RNF31: variants seen among roughly 807,000 people sequenced by gnomAD.
The protein encoded by RNF31 is ring finger protein 31, also known as E3 ubiquitin-protein ligase RNF31.
Under a neutral mutation model 133.6 loss-of-function variants are expected in RNF31, and 38 were observed. The ratio of observed to expected loss-of-function variants is 0.28; its 90% CI spans 0.22 to 0.37. The LOEUF is 0.37. Ranked by LOEUF, RNF31 falls within the 10% of genes least tolerant of loss-of-function variation. RNF31 has a pLI of 1.00. For synonymous variants in RNF31, 582 were observed against 552.3 expected, an observed-to-expected ratio of 1.05 and a Z score of -0.75; for missense variants, 1,118 against 1,394.1, an observed-to-expected ratio of 0.80 and a Z score of 3.15.
At position 24,151,584 on chromosome 14, in the gene RNF31, C is replaced by G; in HGVS notation, c.1837C>G (p.Gln613Glu). ...GDVSRALTEL[Q>E]RQRLEPFRQR... ...TGTGTCACGGGCCCTGACTGAGCTA[C>G]AGCGCCAACGCCTAGAGCCCTTCCG... is the stretch of plus-strand genomic sequence containing the variant. Residue 613 changes from glutamine (Q) to glutamate (E), a missense_variant, in exon 10 of 21, where the codon CAG becomes GAG. Around this residue, in one of 3 missense-constraint regions of RNF31, gnomAD observed 747 missense variants for 827.9 expected, o/e 0.90. Coordinates refer to ENST00000324103, the MANE Select transcript of RNF31 (RefSeq NM_017999.5). The surrounding 1 kb of genome is among the most constrained non-coding windows in gnomAD (Gnocchi z 5.3). 6.2e-7 allele frequency: 1 copy of G among 1,614,108 alleles called. No individual in the cohort carries two copies.
At chr14:24,157,719 C>G (rs985525596) in intron 16 of RNF31, 81 bp downstream of exon 16, 8 of 1,297,372 alleles carry the variant, frequency 6.2e-6, no homozygotes, top group Non-Finnish European at 7.8e-6. Flanking sequence ...TGAGGAGTGG[C>G]CCCGGGGAAG....
chr14:24,147,673 A>T lies in RNF31; in HGVS notation c.-26A>T, dbSNP rs1207962967. 6 of 1,384,446 alleles carry T rather than the reference A, an allele frequency of 4.3e-6. No homozygotes were observed. Among genetic ancestry groups the T allele is most frequent in the Non-Finnish European group, 5.6e-6 (6 of 1,076,774 alleles). 85.8% of individuals were successfully genotyped at this position (1,384,446 alleles called of 1,614,324 possible). A position where few individuals can be genotyped will look rare whatever the true frequency, so the allele number is the denominator to read the frequency against. ...CCGCGCCGGGTCCTGGCGGGCGGCG[A>T]GGCTGGGGCTGACTCCTGCCTCAGG... is the stretch of plus-strand genomic sequence containing the variant. On this transcript the variant is annotated 5_prime_UTR_variant, in exon 1 of 21. Transcript: ENST00000324103.
chr14:24,147,854 C>T lies in RNF31; in HGVS notation c.156C>T (p.Asp52=). ...TAGCCGCCCGCTACCTGCAGCTGGA[C>T]GCCGCACGCCTTGTCCGCTGCAACG... ...LPLAARYLQL[D]AARLVRCNAH... The change falls in exon 1 of 21, where the codon GAC becomes GAT. Residue 52 remains aspartate (D), a synonymous_variant. Coordinates refer to ENST00000324103, the MANE Select transcript of RNF31 (RefSeq NM_017999.5). The T allele has an allele frequency of 6.2e-7, 1 of 1,610,374 alleles. No homozygotes were observed.
At chr14:24,159,702 G>C in intron 18 of RNF31, 162 bp from the exon 19 acceptor site, 1 of 591,476 alleles carries the variant, frequency 1.7e-6, no homozygotes, top group Admixed American at 2.6e-5. Flanking sequence ...GTCTGCCGTT[G>C]ACGGCACCTC....
chr14:24,159,174 GTC>G (rs1311577511), intron 18 of RNF31, among the ~76,000 whole-genome samples: 4 of 150,966 alleles, frequency 2.6e-5, no homozygotes, highest in South Asian at 2.1e-4. Flanking sequence ...GTGAAACCCT[GTC>G]TCTACTAAAA....
At chr14:24,148,594 T>TA in intron 3 of RNF31, 48 bp from the exon 4 acceptor site, 1 of 1,605,610 alleles carries the variant, frequency 6.2e-7, no homozygotes, top group South Asian at 1.1e-5. Flanking sequence ...AGGGAGGGCT[T>TA]TGTTCTAGGG....
intron 6 of RNF31, 54 bp from the exon 7 acceptor site, chr14:24,150,007 G>A: frequency 6.6e-7 from 1 of 1,513,722 alleles, no homozygotes. Flanking sequence ...TAGAGGTGAG[G>A]GATCCAGGCA....
intron 11 of RNF31, chr14:24,154,864 C>T: frequency 4.8e-6 from 2 of 420,788 alleles, no homozygotes; most frequent in African/African-American, 2.0e-5. Context: ...AGCTGTTCTC[C>T]ACCTCTATAG....
chr14:24,153,338 G>A (rs2038296619), intron 11 of RNF31, among the ~76,000 whole-genome samples: 1 of 152,240 alleles, frequency 6.6e-6, no homozygotes, highest in African/African-American at 2.4e-5. Flanking sequence ...CTGCACTTTG[G>A]GAGGCCAACG....
At position 24,151,097 on chromosome 14, in the gene RNF31, G is replaced by A. The variant is rs377227237; in HGVS notation, c.1489-34G>A. On this transcript the variant is annotated intron_variant, in intron 8 of 20. Transcript: ENST00000324103. This position sits in a 1 kb window ranked among gnomAD's most constrained non-coding sequence, Gnocchi z 5.3. ...TAGTTCAGGCTGAGGGTGGGTGAAG[G>A]GTGCCCCTCCTGATGGGCGGGACTG... 213 of 1,608,584 alleles carry A rather than the reference G, an allele frequency of 1.3e-4. No homozygotes were observed. The African/African-American group carries it at 2.8e-3, about 21-fold the overall frequency.
chr14:24,154,841 C>G (rs1262497732), intron 11 of RNF31: 2 of 380,250 alleles, frequency 5.3e-6, no homozygotes, highest in East Asian at 1.1e-4. Context: ...TTCTAGTCAC[C>G]TGGCAACCAT....
At position 24,151,799 on chromosome 14, in the gene RNF31, G is replaced by A. The variant is rs748079228; in HGVS notation, c.1937G>A (p.Arg646Gln). The A allele has an allele frequency of 1.2e-5, 20 of 1,610,190 alleles. No individual in the cohort carries two copies. The highest frequency in any genetic ancestry group is 1.6e-4 in the Middle Eastern group (1 of 6,066). Residue 646 changes from arginine to glutamine, a missense_variant, in exon 11 of 21, where the codon CGG (arginine) becomes CAG (glutamine). Transcript: ENST00000324103. This position sits in a 1 kb window ranked among gnomAD's most constrained non-coding sequence, Gnocchi z 5.3. ...ATCATATTGCAGAGCCTGGTCAGGC[G>A]GCTTTTGGCAGTCTACGCACTCCCC... The part of the protein sequence containing the change: ...DGPDKQSLVR[R>Q]LLAVYALPSW...
At chr14:24,149,605 G>T (rs376067459) in intron 6 of RNF31, 22 bp downstream of exon 6, 2 of 1,599,864 alleles carry the variant, frequency 1.3e-6, no homozygotes, top group Non-Finnish European at 1.7e-6. Flanking sequence ...TCTCTTCTGG[G>T]TGGGAGTGAA....
intron 18 of RNF31, 134 bp from the exon 19 acceptor site, chr14:24,159,730 C>A: frequency 1.4e-6 from 1 of 699,142 alleles, no homozygotes; most frequent in Non-Finnish European, 2.5e-6. Flanking sequence ...CCACCAGCAC[C>A]ACTGGGAAAG....
At chr14:24,158,910 G>A (rs968818829) in intron 18 of RNF31, among the ~76,000 whole-genome samples, 7 of 151,680 alleles carry the variant, frequency 4.6e-5, no homozygotes, top group Admixed American at 6.6e-5. Context: ...GCGGGCGCCT[G>A]TAGTCCCAGC....
chr14:24,149,207 C>A (rs1594374702), intron 5 of RNF31, 199 bp from the exon 6 acceptor site: 1 of 616,452 alleles, frequency 1.6e-6, no homozygotes, highest in East Asian at 2.8e-5. Flanking sequence ...AAGTGATCCA[C>A]CCACCTCAGC....
At chr14:24,158,281 T>A in intron 18 of RNF31, 82 bp downstream of exon 18, 6 of 1,355,002 alleles carry the variant, frequency 4.4e-6, no homozygotes, top group Non-Finnish European at 6.3e-6. Context: ...GAGGCTTGGG[T>A]CTGGGGTCAC....
At chr14:24,148,723 C>A in intron 4 of RNF31, 22 bp downstream of exon 4, 1 of 1,613,862 alleles carries the variant, frequency 6.2e-7, no homozygotes, top group African/African-American at 1.3e-5. Flanking sequence ...AGGAAAGGGG[C>A]TGGTGTACAA....
chr14:24,159,032 C>CAAAAAAAA (rs529900287), intron 18 of RNF31, among the ~76,000 whole-genome samples: 1 of 54,430 alleles, frequency 1.8e-5, no homozygotes, highest in Non-Finnish European at 3.3e-5. Flanking sequence ...GACTTCGTCT[C>CAAAAAAAA]AAAAAAAAAA....
Sources: allele counts gnomAD v4.1 joint callset (sites outside exome capture counted in the v4.1 genomes callset), GRCh38; gene constraint gnomAD v4.1.1; regional missense constraint gnomAD v4.1.1; non-coding constraint Gnocchi (gnomAD v3.1); transcripts MANE v1.5; gene names NCBI Gene and HGNC (gene_info 2026-07-23, HGNC 2026-07-21).